Variants in SBF1 observed in about 807,000 individuals in gnomAD.
SBF1 encodes myotubularin-related protein 5.
SBF1 carries 65 observed loss-of-function variants against 215.8 expected under a neutral mutation model. The observed-to-expected ratio is 0.30, with a 90% CI of 0.25 to 0.37. The LOEUF is 0.37. Ranked by LOEUF, SBF1 falls within the 10% of genes least tolerant of loss-of-function variation. The pLI is 1.00. For missense variants in SBF1, 2,634 were observed against 2,667.8 expected, an observed-to-expected ratio of 0.99 and a Z score of 0.28; for synonymous variants, 1,410 against 1,122.8, an observed-to-expected ratio of 1.26 and a Z score of -5.11.
intron 2 of SBF1, 125 bp downstream of exon 2, chr22:50,468,251 T>G (rs2067860911): frequency 1.1e-6 from 1 of 888,336 alleles, no homozygotes. Context: ...GAGGCTCTGC[T>G]GTCTTGTCCC....
chr22:50,460,740 G>T (rs761125218), intron 23 of SBF1, 28 bp from the exon 24 acceptor site: 2 of 1,600,028 alleles, frequency 1.2e-6, no homozygotes, highest in Non-Finnish European at 1.7e-6. Flanking sequence ...GCCCTTAGGG[G>T]TGTGGGTGGC....
chr22:50,455,105 T>C lies in SBF1; in HGVS notation c.4592A>G (p.Gln1531Arg), dbSNP rs1019524339. Residue 1531 changes from glutamine (Q) to arginine (R), a missense_variant, in exon 34 of 41, where the codon CAG (glutamine) becomes CGG (arginine). By Grantham distance (43) the Gln-to-Arg change is conservative. Transcript: ENST00000380817. ...GTAGCCGAGGAACTTGAGGTAGAAC[T>C]GGCTGAACTCAAACTCCATGGGGAA... ...LQFPMEFEFS[Q>R]FYLKFLGYHH... 1.2e-6 allele frequency: 2 copies of C among 1,614,136 alleles called. No homozygotes were observed. Among genetic ancestry groups the C allele is most frequent in the Non-Finnish European group, 8.5e-7 (1 of 1,180,030 alleles).
At position 50,459,339 on chromosome 22, in the gene SBF1, C is replaced by T; in HGVS notation, c.3742G>A (p.Val1248Met). 1.2e-6 allele frequency: 2 copies of T among 1,612,854 alleles called. No individual in the cohort carries two copies. ...GCGTAGCGGGGCATGGAGCTGACCA[C>T]AGCCTGCAGGTACTTCTCCTGCTCC... ...SLEQEKYLQA[V>M]VSSMPRYADA... Residue 1248 changes from valine to methionine, a missense_variant, in exon 28 of 41, where the codon GTG becomes ATG. Coordinates refer to ENST00000380817, the MANE Select transcript of SBF1 (RefSeq NM_002972.4).
chr22:50,467,254 G>C, intron 5 of SBF1, 84 bp downstream of exon 5: 1 of 1,130,024 alleles, frequency 8.8e-7, no homozygotes, highest in Non-Finnish European at 1.3e-6. Context: ...GCTGTGTGTG[G>C]CTCTGGCTGG....
chr22:50,465,889 G>A (rs957999393), intron 9 of SBF1, 49 bp from the exon 10 acceptor site: 7 of 1,611,382 alleles, frequency 4.3e-6, no homozygotes, highest in African/African-American at 1.3e-5. Context: ...CCCGGCTCTA[G>A]GCTCCCCGTG....
intron 1 of SBF1, among the ~76,000 whole-genome samples, chr22:50,470,536 G>A (rs1239716767): frequency 6.6e-6 from 1 of 152,128 alleles, no homozygotes. Flanking sequence ...GAGCTCCTCT[G>A]TGCCATGACA....
At chr22:50,463,202 C>A in intron 16 of SBF1, 81 bp downstream of exon 16, 11 of 1,557,924 alleles carry the variant, frequency 7.1e-6, no homozygotes, top group Non-Finnish European at 9.6e-6. Flanking sequence ...TCTCTCCACT[C>A]TCACTCACAG....
At chr22:50,456,807 T>G in intron 29 of SBF1, 134 bp from the exon 30 acceptor site, 1 of 812,006 alleles carries the variant, frequency 1.2e-6, no homozygotes, top group South Asian at 2.0e-5. Flanking sequence ...AGCAGGGCCG[T>G]GCGAGAGGAG....
At chr22:50,467,176 TA>T in intron 5 of SBF1, 161 bp downstream of exon 5, 1 of 625,792 alleles carries the variant, frequency 1.6e-6, no homozygotes, top group Non-Finnish European at 2.8e-6. Flanking sequence ...GAGGGCCAGG[TA>T]AGCAGGCCAG....
Position 50,460,591 on chromosome 22 carries a change from G to C in SBF1, c.3089C>G (p.Ser1030Cys). The change falls in exon 24 of 41, where the codon TCT becomes TGT. Residue 1030 changes from serine to cysteine, a missense_variant. Transcript: ENST00000380817. ...IRATFAFTLGSAHTPGRPPRV... is the reference protein window; with the variant it reads ...IRATFAFTLGCAHTPGRPPRV... ...CGGTGGCCGGCCAGGTGTGTGGGCA[G>C]AGCCCAAGGTGAACGCAAAGGTGGC... 6.2e-7 allele frequency: 1 copy of C among 1,614,128 alleles called. No individual in the cohort carries two copies. Among genetic ancestry groups the C allele is most frequent in the Non-Finnish European group, 8.5e-7 (1 of 1,180,034 alleles).
chr22:50,459,661 G>A lies in SBF1; in HGVS notation c.3497C>T (p.Pro1166Leu). ...NRMYAICRSY[P>L]GLLIVPQSVQ... ...ACTCTGGGGCACGATCAGCAGCCCT[G>A]GGTAGCTGAGAGGAGGCAGAGGCGT... Residue 1166 changes from proline (P) to leucine (L), a missense_variant, in exon 27 of 41, where the codon CCA becomes CTA. Transcript: ENST00000380817. 1 of 1,603,336 alleles carries A rather than the reference G, an allele frequency of 6.2e-7. No homozygotes were observed. The highest frequency in any genetic ancestry group is 8.5e-7 in the Non-Finnish European group (1 of 1,176,484).
chr22:50,466,250 T>C lies in SBF1; in HGVS notation c.797A>G (p.Tyr266Cys), dbSNP rs370804121. The C allele has an allele frequency of 1.9e-5, 30 of 1,613,350 alleles. No homozygotes were observed. The highest frequency in any genetic ancestry group is 5.3e-5 in the African/African-American group (4 of 75,024). ...LLFPLRYSFTYVPILPAQLLE... is the reference protein window; with the variant it reads ...LLFPLRYSFTCVPILPAQLLE... Reference sequence around the variant, plus strand: ...CAGCTGAGCCGGCAGGATGGGCACATAGGTGAAGCTGTGCAGGCCCCAGAG... The same window carrying C: ...CAGCTGAGCCGGCAGGATGGGCACACAGGTGAAGCTGTGCAGGCCCCAGAG... The change falls in exon 8 of 41, where the codon TAT (tyrosine) becomes TGT (cysteine). Residue 266 changes from tyrosine to cysteine, a missense_variant. Coordinates refer to ENST00000380817, the MANE Select transcript of SBF1 (RefSeq NM_002972.4).
rs933629109 is a variant in SBF1 at position 50,461,361 on chromosome 22, G to C, written c.2840-75C>G. 92 of 1,537,592 alleles carry C rather than the reference G, an allele frequency of 6.0e-5. No homozygotes were observed. In the Admixed American group the frequency reaches 1.7e-3, roughly 29 times the overall value. ...GGTCCCAGAATCTCAGGGTACCACA[G>C]TTATGGGGAATCCCAAGTGGGTGGG... On this transcript the variant is annotated intron_variant, in intron 22 of 40. Coordinates refer to ENST00000380817, the MANE Select transcript of SBF1 (RefSeq NM_002972.4).
At chr22:50,451,599 C>T (rs2067050249) in intron 36 of SBF1, among the ~76,000 whole-genome samples, 4 of 151,968 alleles carry the variant, frequency 2.6e-5, no homozygotes, top group Admixed American at 2.6e-4. Context: ...AAATGATCAT[C>T]CCACAGACCC....
In SBF1 at chr22:50,466,665, G is replaced by T; in HGVS notation, c.595C>A (p.Pro199Thr). 1 of 1,549,692 alleles carries T rather than the reference G, an allele frequency of 6.5e-7. No homozygotes were observed. The highest frequency in any genetic ancestry group is 2.4e-5 in the East Asian group (1 of 40,900). ...CTGACGGGCAGCGAGTCGGCCAGTG[G>T]AGTCTGGATGACCTGCCGGTCACCA... ...GAGDRQVIQT[P>T]LADSLPVSRC... The change falls in exon 6 of 41, where the codon CCA (proline) becomes ACA (threonine). Residue 199 changes from proline (P) to threonine (T), a missense_variant. By Grantham distance (38) the Pro-to-Thr change is conservative. Coordinates refer to ENST00000380817, the MANE Select transcript of SBF1 (RefSeq NM_002972.4).
intron 1 of SBF1, among the ~76,000 whole-genome samples, chr22:50,470,042 G>T (rs575864461): frequency 6.6e-6 from 1 of 151,974 alleles, no homozygotes; most frequent in East Asian, 2.0e-4. Context: ...AGACGGGTGG[G>T]GGCCCAGGTG....
chr22:50,456,790 G>T, intron 29 of SBF1, 117 bp from the exon 30 acceptor site: 1 of 944,672 alleles, frequency 1.1e-6, no homozygotes, highest in Non-Finnish European at 1.5e-6. Context: ...GTGGTTGGCA[G>T]GACCCCAGCA....
intron 36 of SBF1, among the ~76,000 whole-genome samples, chr22:50,451,476 CA>C (rs1210334228): frequency 6.6e-6 from 1 of 152,096 alleles, no homozygotes; most frequent in Non-Finnish European, 1.5e-5. Context: ...TGAGAAAAAA[CA>C]AACAGAGCTT....
chr22:50,463,283 C>T lies in SBF1; in HGVS notation c.1899G>A (p.Gln633=). The change falls in exon 16 of 41, where the codon CAG becomes CAA. Residue 633 remains glutamine (Q), a splice_region_variant and synonymous_variant. Transcript: ENST00000380817. ...FVVRMMNCCL[Q]DCTSLDEHGI... is the part of the protein sequence containing the mutation. ...TCACTAGCAGGATAAGAGGCCTCAC[C>T]TGCAGGCAGCAGTTCATCATACGGA... 1.2e-6 allele frequency: 2 copies of T among 1,613,508 alleles called. No homozygotes were observed. The highest frequency in any genetic ancestry group is 1.7e-4 in the Middle Eastern group (1 of 5,958).
Sources: gnomAD v4.1 joint callset for allele counts (sites outside exome capture counted in the v4.1 genomes callset) on GRCh38, gnomAD v4.1.1 for gene constraint, MANE v1.5 for transcripts, NCBI Gene and HGNC (gene_info 2026-07-23, HGNC 2026-07-21) for gene names.